HPSE2: variants seen among roughly 807,000 people sequenced by gnomAD.
HPSE2 encodes the protein heparanase 2 (inactive), also known as inactive heparanase-2.
Under a neutral mutation model 60.5 loss-of-function variants are expected in HPSE2, and 38 were observed. That is an observed-to-expected ratio of 0.63 (90% CI 0.48 to 0.82). The LOEUF is 0.82. Ranked by LOEUF, HPSE2 falls within the 40% of genes least tolerant of loss-of-function variation. HPSE2 has a pLI of 0.00. For missense variants in HPSE2, 713 were observed against 740.4 expected, an observed-to-expected ratio of 0.96 and a Z score of 0.43; for synonymous variants, 295 against 293.2, an observed-to-expected ratio of 1.01 and a Z score of -0.06.
chr10:98,899,609 G>A (rs1953602951), intron 3 of HPSE2, among the ~76,000 whole-genome samples: 2 of 152,074 alleles, frequency 1.3e-5, no homozygotes, highest in Admixed American at 6.6e-5. Flanking sequence ...AAACCAGAAT[G>A]AAGGACTACT....
At chr10:98,526,414 T>C (rs1942969210) in intron 9 of HPSE2, among the ~76,000 whole-genome samples, 1 of 152,224 alleles carries the variant, frequency 6.6e-6, no homozygotes, top group South Asian at 2.1e-4. Flanking sequence ...AACTCCGATG[T>C]AAGTTTCATT....
chr10:98,684,070 C>A (rs748110006), intron 6 of HPSE2, among the ~76,000 whole-genome samples: 2 of 152,164 alleles, frequency 1.3e-5, no homozygotes, highest in Non-Finnish European at 2.9e-5. Context: ...AGGGTCTCAA[C>A]GTGTTGACCT....
intron 1 of HPSE2, among the ~76,000 whole-genome samples, chr10:99,233,626 A>G (rs1430387829): frequency 6.6e-6 from 1 of 152,204 alleles, no homozygotes; most frequent in Non-Finnish European, 1.5e-5. Context: ...CCAAATCCAC[A>G]TGGTGACGTT....
rs145575080 is a variant in HPSE2 at position 98,621,427 on chromosome 10, T to C, written c.1099-719A>G. Among the ~76,000 whole-genome samples the C allele has an allele frequency of 7.9e-5, 12 of 152,272 alleles. No individual in the cohort carries two copies. The East Asian group carries it at 2.1e-3, about 27-fold the overall frequency. On this transcript the variant is annotated intron_variant, in intron 7 of 11. Coordinates refer to ENST00000370552, the MANE Select transcript of HPSE2 (RefSeq NM_021828.5). ...AGATCAGTGTGCAGATGCTTGGGGC[T>C]GCAATCGGCACTTAGGAGTAAGATT... is the stretch of plus-strand genomic sequence containing the variant.
intron 3 of HPSE2, among the ~76,000 whole-genome samples, chr10:98,986,727 A>G (rs1956365663): frequency 6.6e-6 from 1 of 151,422 alleles, no homozygotes; most frequent in African/African-American, 2.4e-5. Context: ...AAAGATCAAC[A>G]AAATTGATAG....
rs35632219 is a variant in HPSE2, at chr10:99,163,210, CAA to C, written c.449-18813_449-18812del. Among the ~76,000 whole-genome samples the C allele has an allele frequency of 2.9e-3, 422 of 143,706 alleles. 2 individuals carry two copies. Among genetic ancestry groups the C allele is most frequent in the African/African-American group, 5.4e-3 (208 of 38,722 alleles). The allele number at this position is 143,706 out of a possible 152,430, so 94.3% of individuals were successfully genotyped here. Reference sequence around the variant, plus strand: ...TGGGTGACAGGGCAAGACTCCATCTCAAAAAAAAAAAAAATAGCCTTCATTTT... The same window carrying C: ...TGGGTGACAGGGCAAGACTCCATCTCAAAAAAAAAAAATAGCCTTCATTTT... On this transcript the variant is annotated intron_variant, in intron 2 of 11. Transcript: ENST00000370552.
At chr10:98,576,685 C>T (rs1217156390) in intron 9 of HPSE2, among the ~76,000 whole-genome samples, 1 of 151,954 alleles carries the variant, frequency 6.6e-6, no homozygotes, top group Non-Finnish European at 1.5e-5. Context: ...GCCTCCTAAA[C>T]TTCTCCAGCA....
intron 3 of HPSE2, among the ~76,000 whole-genome samples, chr10:99,047,454 A>G (rs1306903747): frequency 6.6e-6 from 1 of 152,214 alleles, no homozygotes; most frequent in African/African-American, 2.4e-5. Context: ...ATTGCAACAT[A>G]AACAAAAATT....
chr10:99,013,888 A>G lies in HPSE2; in HGVS notation c.610+130350T>C, dbSNP rs1194622107. The G allele has an allele frequency of 2.2e-5, 9 of 406,738 alleles. No individual in the cohort carries two copies. In the East Asian group the frequency reaches 5.2e-4, roughly 24 times the overall value. The allele number at this position is 406,738 out of a possible 1,614,324, so 25.2% of individuals were successfully genotyped here. A position where few individuals can be genotyped will look rare whatever the true frequency, so the allele number is the denominator to read the frequency against. ...AGTTTTCCCTGCACTATCCAGCCCAATAATGATACTTTTGTGCTCCTGGTG... is the reference window on the plus strand; with the variant it reads ...AGTTTTCCCTGCACTATCCAGCCCAGTAATGATACTTTTGTGCTCCTGGTG... On this transcript the variant is annotated intron_variant, in intron 3 of 11. Transcript: ENST00000370552.
chr10:99,184,234 G>T (rs1315648395), intron 2 of HPSE2, among the ~76,000 whole-genome samples: 1 of 151,852 alleles, frequency 6.6e-6, no homozygotes, highest in Non-Finnish European at 1.5e-5. Context: ...GCAAAGATAA[G>T]AAAAAAGCAG....
intron 2 of HPSE2, among the ~76,000 whole-genome samples, chr10:99,213,762 T>C (rs1319177875): frequency 6.6e-6 from 1 of 152,186 alleles, no homozygotes; most frequent in Non-Finnish European, 1.5e-5. Context: ...TTATAATCTA[T>C]GCGGCCTTAT....
the HPSE2 span, among the ~76,000 whole-genome samples, chr10:99,263,223 A>G: frequency 6.6e-6 from 1 of 152,118 alleles, no homozygotes; most frequent in Admixed American, 6.5e-5. Flanking sequence ...ATCGCCACTC[A>G]CCAGCAAAGG....
intron 9 of HPSE2, among the ~76,000 whole-genome samples, chr10:98,583,865 T>C (rs1944868882): frequency 6.6e-6 from 1 of 152,208 alleles, no homozygotes; most frequent in Non-Finnish European, 1.5e-5. Flanking sequence ...TAATATTCTA[T>C]TGCATGGACA....
chr10:99,205,015 A>C (rs1302047459), intron 2 of HPSE2, among the ~76,000 whole-genome samples: 1 of 152,188 alleles, frequency 6.6e-6, no homozygotes, highest in Non-Finnish European at 1.5e-5. Context: ...GCATGTTCTC[A>C]CTTATAAGTG....
chr10:98,729,620 A>G (rs150816991), intron 4 of HPSE2, among the ~76,000 whole-genome samples: 2 of 152,132 alleles, frequency 1.3e-5, no homozygotes, highest in South Asian at 4.1e-4. Context: ...AAAAATAAAT[A>G]AATAAATAAA....
Position 98,620,591 on chromosome 10 carries a change from G to T in HPSE2, c.1205+11C>A. 6.2e-7 allele frequency: 1 copy of T among 1,602,866 alleles called. No homozygotes were observed. The highest frequency in any genetic ancestry group is 8.5e-7 in the Non-Finnish European group (1 of 1,169,930). ...AAAGCCCCTGGGGGTGAACTTGCAGGTGTTACTCACAAGAATCCTGCAGCA... is the reference window on the plus strand; with the variant it reads ...AAAGCCCCTGGGGGTGAACTTGCAGTTGTTACTCACAAGAATCCTGCAGCA... On this transcript the variant is annotated intron_variant, in intron 8 of 11. Transcript: ENST00000370552.
At chr10:98,616,807 C>T (rs1166086520) in intron 8 of HPSE2, among the ~76,000 whole-genome samples, 1 of 152,116 alleles carries the variant, frequency 6.6e-6, no homozygotes, top group African/African-American at 2.4e-5. Context: ...ACTTTTGGAA[C>T]ATGACATGGC....
At position 98,710,350 on chromosome 10, in the gene HPSE2, T is replaced by C. The variant is rs1198370060; in HGVS notation, c.956+11307A>G. Among the ~76,000 whole-genome samples, 4 of 152,174 alleles carry C rather than the reference T, an allele frequency of 2.6e-5. No individual in the cohort carries two copies. The East Asian group carries it at 7.7e-4, about 29-fold the overall frequency. On this transcript the variant is annotated intron_variant, in intron 5 of 11. Transcript: ENST00000370552. ...ATTTATGTATATTAATAATATCACA[T>C]TGGCAGTGGACCAATAAAAAGTATA... is the stretch of plus-strand genomic sequence containing the variant.
chr10:98,459,450 G>T lies in HPSE2; in HGVS notation c.*124C>A, dbSNP rs1940180031. On this transcript the variant is annotated 3_prime_UTR_variant, in exon 12 of 12. Coordinates refer to ENST00000370552, the MANE Select transcript of HPSE2 (RefSeq NM_021828.5). ...TCTCTTTGGAGAGCAAGTCTGTGTT[G>T]ATTCCAGCAGGATGGGGCAGCAGGG... 1.9e-6 allele frequency: 2 copies of T among 1,060,946 alleles called. No homozygotes were observed. The highest frequency in any genetic ancestry group is 2.9e-6 in the Non-Finnish European group (2 of 679,954). 65.7% of individuals were successfully genotyped at this position (1,060,946 alleles called of 1,614,324 possible). A position where few individuals can be genotyped will look rare whatever the true frequency, so the allele number is the denominator to read the frequency against.
Sources: allele counts gnomAD v4.1 joint callset (sites outside exome capture counted in the v4.1 genomes callset), GRCh38; gene constraint gnomAD v4.1.1; transcripts MANE v1.5; gene names NCBI Gene and HGNC (gene_info 2026-07-23, HGNC 2026-07-21).